PTPRU: variants seen among roughly 807,000 people sequenced by gnomAD.
PTPRU encodes the protein receptor-type tyrosine-protein phosphatase U.
A neutral mutation model predicts 166.3 loss-of-function variants in PTPRU; 69 were observed. The observed-to-expected ratio is 0.41, with a 90% CI of 0.34 to 0.51. PTPRU has a LOEUF of 0.51. PTPRU is among the 20% of genes least tolerant of loss of function. PTPRU has a pLI of 0.09. For synonymous variants in PTPRU, 793 were observed against 814.0 expected (o/e 0.97, Z 0.44); for missense variants, 1,657 against 2,013.7 (o/e 0.82, Z 3.39).
intron 7 of PTPRU, among the ~76,000 whole-genome samples, chr1:29,270,195 ACTGGTAATGACTGTAGG>A (rs1033063117): frequency 7.2e-5 from 11 of 152,284 alleles, no homozygotes; most frequent in East Asian, 3.9e-4. Context: ...ATTACTATAG[ACTGGTAATGACTGTAGG>A]CTGGTAATGA....
At position 29,260,695 on chromosome 1, in the gene PTPRU, TGGC is replaced by T; in HGVS notation, c.938_940del (p.Gly313del). ...TCCAGCTCAACACCAACTCCATCATTGGCGACGGGCCGATCGTGCGCAAGGAGA... is the reference window on the plus strand; with the variant it reads ...TCCAGCTCAACACCAACTCCATCATTGACGGGCCGATCGTGCGCAAGGAGA... On this transcript the variant is annotated inframe_deletion, in exon 7 of 30. Coordinates refer to ENST00000373779, the MANE Select transcript of PTPRU (RefSeq NM_133178.4). The surrounding 1 kb of genome is among the most constrained non-coding windows in gnomAD (Gnocchi z 8.3). 1 of 1,584,674 alleles carries T rather than the reference TGGC, an allele frequency of 6.3e-7. No homozygotes were observed.
intron 22 of PTPRU, among the ~76,000 whole-genome samples, chr1:29,314,213 T>G (rs1174270301): frequency 1.3e-5 from 2 of 152,220 alleles, no homozygotes; most frequent in Non-Finnish European, 2.9e-5. Flanking sequence ...CTAAGGACAT[T>G]CGATCGTATG....
rs576595437 is a variant in PTPRU at position 29,280,841 on chromosome 1, C to T, written c.1868+700C>T. On this transcript the variant is annotated intron_variant, in intron 11 of 29. Transcript: ENST00000373779. This position sits in a 1 kb window ranked among gnomAD's most constrained non-coding sequence, Gnocchi z 4.2. ...CACGTACTGTTAGCCAGACCCCGTG[C>T]TAGGGGCTTTATCTGCATGAAGCCA... is the stretch of plus-strand genomic sequence containing the variant. Among the ~76,000 whole-genome samples, 3 of 152,252 alleles carry T rather than the reference C, an allele frequency of 2.0e-5. No homozygotes were observed. The South Asian group carries it at 6.2e-4, about 32-fold the overall frequency.
In PTPRU at chr1:29,317,791, G is replaced by T. The variant is rs1323050349; in HGVS notation, c.3557G>T (p.Ser1186Ile). 1.9e-6 allele frequency: 3 copies of T among 1,612,742 alleles called. No individual in the cohort carries two copies. ...VTPPLDVEEC[S>I]IALLPRNRDK... ...CCGCCGCTGGACGTGGAGGAGTGCA[G>T]CATCGCCCTGTTGCCCCGGAACCGC... Residue 1186 changes from serine (S) to isoleucine (I), a missense_variant, in exon 25 of 30, where the codon AGC becomes ATC. Coordinates refer to ENST00000373779, the MANE Select transcript of PTPRU (RefSeq NM_133178.4). The surrounding 1 kb of genome is among the most constrained non-coding windows in gnomAD (Gnocchi z 5.6).
At chr1:29,241,022 C>T (rs952577239) in intron 1 of PTPRU, among the ~76,000 whole-genome samples, 7 of 152,008 alleles carry the variant, frequency 4.6e-5, no homozygotes, top group Non-Finnish European at 2.9e-5. Flanking sequence ...AGCATCTGGG[C>T]AGTCAGAGTG....
chr1:29,320,198 T>G lies in PTPRU; in HGVS notation c.3688-487T>G. 1 of 153,644 alleles carries G rather than the reference T, an allele frequency of 6.5e-6. No individual in the cohort carries two copies. The highest frequency in any genetic ancestry group is 1.4e-5 in the Non-Finnish European group (1 of 69,084). The allele number at this position is 153,644 out of a possible 1,614,324, so 9.5% of individuals were successfully genotyped here. A position where few individuals can be genotyped will look rare whatever the true frequency, so the allele number is the denominator to read the frequency against. On this transcript the variant is annotated intron_variant, in intron 25 of 29. Coordinates refer to ENST00000373779, the MANE Select transcript of PTPRU (RefSeq NM_133178.4). The surrounding 1 kb of genome is among the most constrained non-coding windows in gnomAD (Gnocchi z 5.2). The stretch of plus-strand genomic sequence containing the variant: ...AATTTCTACAAAAACAGCCAGGCAG[T>G]GTTTAATGTGGATTTGGGGTGTGTG...
intron 18 of PTPRU, among the ~76,000 whole-genome samples, chr1:29,309,111 G>A (rs1230554744): frequency 6.6e-6 from 1 of 152,202 alleles, no homozygotes; most frequent in East Asian, 1.9e-4. Context: ...CGTGGGAACA[G>A]TGAGCAGGTA....
In PTPRU at chr1:29,238,758, GT is replaced by G. The variant is rs753749739; in HGVS notation, c.73+2043del. Among the ~76,000 whole-genome samples the G allele has an allele frequency of 1.1e-3, 163 of 152,088 alleles. 4 individuals are homozygous for G. The highest frequency in any genetic ancestry group is 2.6e-4 in the Non-Finnish European group (18 of 68,022). ...CCCACCGTGAAATCAAACCCGCGGG[GT>G]TCTGTATGCGCCCCATCCCCGCTCC... On this transcript the variant is annotated intron_variant, in intron 1 of 29. Coordinates refer to ENST00000373779, the MANE Select transcript of PTPRU (RefSeq NM_133178.4). This position sits in a 1 kb window ranked among gnomAD's most constrained non-coding sequence, Gnocchi z 6.1.
In PTPRU at chr1:29,279,159, G is replaced by A. The variant is rs1685947368; in HGVS notation, c.1563+38G>A. On this transcript the variant is annotated intron_variant, in intron 9 of 29. Transcript: ENST00000373779. This position sits in a 1 kb window ranked among gnomAD's most constrained non-coding sequence, Gnocchi z 5.2. ...CCCTATTACAGTGGGGGACCCTGGT[G>A]GAAGGTGAGAGGTGGCCCTCTTTCT... is the stretch of plus-strand genomic sequence containing the variant. 1 of 1,490,216 alleles carries A rather than the reference G, an allele frequency of 6.7e-7. No homozygotes were observed. Among genetic ancestry groups the A allele is most frequent in the Non-Finnish European group, 9.2e-7 (1 of 1,091,098 alleles). The allele number at this position is 1,490,216 out of a possible 1,614,324, so 92.3% of individuals were successfully genotyped here.
rs1683814597 is a variant in PTPRU at position 29,237,328 on chromosome 1, G to A, written c.73+611G>A. On this transcript the variant is annotated intron_variant, in intron 1 of 29. Coordinates refer to ENST00000373779, the MANE Select transcript of PTPRU (RefSeq NM_133178.4). This position sits in a 1 kb window ranked among gnomAD's most constrained non-coding sequence, Gnocchi z 6.4. ...GCTGTGTACGTGTGGGGAGTGTCTA[G>A]GGTATGTGGTGTGTGCTGCCGGGGG... 6.6e-6 allele frequency among the ~76,000 whole-genome samples: 1 copy of A among 152,080 alleles called. No individual in the cohort carries two copies. The highest frequency in any genetic ancestry group is 1.5e-5 in the Non-Finnish European group (1 of 67,998).
At chr1:29,278,263 A>G (rs1235837292) in intron 8 of PTPRU, among the ~76,000 whole-genome samples, 4 of 152,164 alleles carry the variant, frequency 2.6e-5, no homozygotes, top group African/African-American at 9.7e-5. Flanking sequence ...TCTGTTCTGC[A>G]CAGCATTGGC....
In PTPRU at chr1:29,280,485, GCA is replaced by G. The variant is rs1686013880; in HGVS notation, c.1868+347_1868+348del. On this transcript the variant is annotated intron_variant, in intron 11 of 29. Transcript: ENST00000373779. The surrounding 1 kb of genome is among the most constrained non-coding windows in gnomAD (Gnocchi z 4.2). ...ATATCATCCCAGCCTTTTCCTGGAA[GCA>G]CAGAGATGGGCTTTCTAGAAGGCTG... Among the ~76,000 whole-genome samples the G allele has an allele frequency of 6.6e-6, 1 of 152,218 alleles. No homozygotes were observed. The highest frequency in any genetic ancestry group is 2.4e-5 in the African/African-American group (1 of 41,462).
rs1685037704 is a variant in PTPRU, at chr1:29,260,953, A to G, written c.1144+50A>G. 1 of 1,464,888 alleles carries G rather than the reference A, an allele frequency of 6.8e-7. No homozygotes were observed. The allele number at this position is 1,464,888 out of a possible 1,614,324, so 90.7% of individuals were successfully genotyped here. A position where few individuals can be genotyped will look rare whatever the true frequency, so the allele number is the denominator to read the frequency against. Reference sequence around the variant, plus strand: ...CTCAGTCTCTGGTGGGCCCAGGGCTATGGAGGGGCGCATTCGAGAGGTAGC... The same window carrying G: ...CTCAGTCTCTGGTGGGCCCAGGGCTGTGGAGGGGCGCATTCGAGAGGTAGC... On this transcript the variant is annotated intron_variant, in intron 7 of 29. Coordinates refer to ENST00000373779, the MANE Select transcript of PTPRU (RefSeq NM_133178.4). The surrounding 1 kb of genome is among the most constrained non-coding windows in gnomAD (Gnocchi z 8.3).
chr1:29,236,754 G>C lies in PTPRU; in HGVS notation c.73+37G>C. On this transcript the variant is annotated intron_variant, in intron 1 of 29. Transcript: ENST00000373779. This position sits in a 1 kb window ranked among gnomAD's most constrained non-coding sequence, Gnocchi z 4.6. ...GCGGCCGGACCGAGCCTGCCCCGCC[G>C]AGCCTCGGGGCCCGTGGCGTAGCTC... 1 of 1,388,358 alleles carries C rather than the reference G, an allele frequency of 7.2e-7. No homozygotes were observed. Among genetic ancestry groups the C allele is most frequent in the South Asian group, 1.6e-5 (1 of 63,428 alleles). The allele number at this position is 1,388,358 out of a possible 1,614,324, so 86.0% of individuals were successfully genotyped here.
chr1:29,244,481 T>C (rs936688807), intron 1 of PTPRU, among the ~76,000 whole-genome samples: 2 of 152,002 alleles, frequency 1.3e-5, no homozygotes, highest in African/African-American at 4.8e-5. Context: ...ACCTAGTGGA[T>C]AGGACAGGTG....
chr1:29,320,793 C>T lies in PTPRU; in HGVS notation c.3796C>T (p.Leu1266Phe). Reference sequence around the variant, plus strand: ...TTACGGGTGCACCTCCATCGTCATGCTCAACCAGCTGAACCAGTCCAACTC... The same window carrying T: ...TTACGGGTGCACCTCCATCGTCATGTTCAACCAGCTGAACCAGTCCAACTC... Reference protein sequence around the residue: ...YDYGCTSIVMLNQLNQSNSAW... With the variant: ...YDYGCTSIVMFNQLNQSNSAW... The change falls in exon 26 of 30, where the codon CTC (leucine) becomes TTC (phenylalanine). Residue 1266 changes from leucine to phenylalanine, a missense_variant. By Grantham distance (22) the Leu-to-Phe change is conservative. Transcript: ENST00000373779. The surrounding 1 kb of genome is among the most constrained non-coding windows in gnomAD (Gnocchi z 5.2). 1.9e-6 allele frequency: 3 copies of T among 1,601,154 alleles called. No homozygotes were observed. The highest frequency in any genetic ancestry group is 2.6e-6 in the Non-Finnish European group (3 of 1,170,178).
At chr1:29,325,360 A>G (rs1688362075) in intron 29 of PTPRU, 34 bp downstream of exon 29, 1 of 1,610,470 alleles carries the variant, frequency 6.2e-7, no homozygotes, top group Non-Finnish European at 8.5e-7. Context: ...AGCCACTTCC[A>G]CCTTCCTGGT....
At chr1:29,275,406 C>A in intron 7 of PTPRU, 42 bp from the exon 8 acceptor site, 1 of 1,531,172 alleles carries the variant, frequency 6.5e-7, no homozygotes, top group Non-Finnish European at 9.0e-7. Flanking sequence ...CTTCTCTTCC[C>A]ATTTCTTCTA....
chr1:29,269,184 C>T (rs1220319868), intron 7 of PTPRU, among the ~76,000 whole-genome samples: 1 of 133,540 alleles, frequency 7.5e-6, no homozygotes, highest in Non-Finnish European at 1.5e-5. Flanking sequence ...GCTGGGGCTA[C>T]AGGCTTGCAC....
Sources: gnomAD v4.1 joint callset for allele counts (sites outside exome capture counted in the v4.1 genomes callset) on GRCh38, gnomAD v4.1.1 for gene constraint, Gnocchi (gnomAD v3.1) non-coding constraint, MANE v1.5 for transcripts, NCBI Gene and HGNC (gene_info 2026-07-23, HGNC 2026-07-21) for gene names.